PARD3: variants seen among roughly 807,000 people sequenced by gnomAD.
PARD3 encodes the protein partitioning defective 3 homolog.
PARD3 carries 75 observed loss-of-function variants against 155.4 expected under a neutral mutation model. The ratio of observed to expected loss-of-function variants is 0.48; its 90% CI spans 0.40 to 0.58. The LOEUF (loss-of-function observed/expected upper bound fraction) is 0.58, where lower values mean the gene tolerates loss of function less well. PARD3 is among the 20% of genes least tolerant of loss of function. The pLI, the probability that PARD3 is intolerant of heterozygous loss-of-function variation, is 0.00. For missense variants in PARD3, 1,642 were observed against 1,721.7 expected (o/e 0.95, Z 0.82); for synonymous variants, 576 against 610.5 (o/e 0.94, Z 0.83).
At chr10:34,676,976 T>C (rs998702108) in intron 2 of PARD3, among the ~76,000 whole-genome samples, 2 of 152,216 alleles carry the variant, frequency 1.3e-5, no homozygotes, top group Non-Finnish European at 1.5e-5. Flanking sequence ...ACAGGTTTTA[T>C]TCTGTGTCTT....
At chr10:34,668,666 T>G (rs890151419) in intron 2 of PARD3, among the ~76,000 whole-genome samples, 4 of 152,194 alleles carry the variant, frequency 2.6e-5, no homozygotes, top group African/African-American at 9.7e-5. Context: ...TTAATTTTCA[T>G]TGATAAGCAA....
chr10:34,381,409 A>C (rs1841807839), intron 9 of PARD3, among the ~76,000 whole-genome samples: 1 of 152,220 alleles, frequency 6.6e-6, no homozygotes, highest in African/African-American at 2.4e-5. Flanking sequence ...TGCTCAGCTA[A>C]AATGGATCAG....
At chr10:34,450,054 C>T (rs1218805492) in intron 5 of PARD3, among the ~76,000 whole-genome samples, 1 of 152,144 alleles carries the variant, frequency 6.6e-6, no homozygotes, top group African/African-American at 2.4e-5. Context: ...GCCTCTGTAG[C>T]ATTACAAACT....
intron 2 of PARD3, among the ~76,000 whole-genome samples, chr10:34,534,417 G>A (rs938799027): frequency 6.6e-6 from 1 of 152,026 alleles, no homozygotes; most frequent in African/African-American, 2.4e-5. Flanking sequence ...AATTTGAGGG[G>A]GCAGCCCTGG....
chr10:34,743,264 T>C (rs1346228441), intron 1 of PARD3, among the ~76,000 whole-genome samples: 1 of 152,172 alleles, frequency 6.6e-6, no homozygotes. Context: ...AGGTGACTGG[T>C]TTCCTAAGGA....
At position 34,127,512 on chromosome 10, in the gene PARD3, AT is replaced by A. The variant is rs71030098; in HGVS notation, c.3540+3950del. ...AGTTCTACTGGAGAGTTCTGAGGGC[AT>A]TTTTTCTTTTCGATCTTTGTTCTCC... On this transcript the variant is annotated intron_variant, in intron 23 of 24. Transcript: ENST00000374788. Among the ~76,000 whole-genome samples, 1,165 of 152,176 alleles carry A rather than the reference AT, an allele frequency of 7.7e-3. 5 individuals are homozygous for A. Among genetic ancestry groups the A allele is most frequent in the Admixed American group, 0.013 (200 of 15,292 alleles).
At chr10:34,686,618 G>T (rs1175513625) in intron 2 of PARD3, among the ~76,000 whole-genome samples, 1 of 151,962 alleles carries the variant, frequency 6.6e-6, no homozygotes, top group African/African-American at 2.4e-5. Flanking sequence ...GTGGGCACCT[G>T]TAATTTCAGC....
chr10:34,558,820 G>C (rs149460574), intron 2 of PARD3, among the ~76,000 whole-genome samples: 1 of 152,082 alleles, frequency 6.6e-6, no homozygotes, highest in African/African-American at 2.4e-5. Context: ...CGTGGCATAC[G>C]CCTGTAATGC....
At chr10:34,402,541 T>G (rs1462371201) in intron 5 of PARD3, among the ~76,000 whole-genome samples, 1 of 152,174 alleles carries the variant, frequency 6.6e-6, no homozygotes, top group Non-Finnish European at 1.5e-5. Context: ...TGTAAAGGTA[T>G]TAAGGTCTTA....
intron 12 of PARD3, among the ~76,000 whole-genome samples, chr10:34,368,839 T>TAAAAAAAAAAAA (rs71033310): frequency 9.2e-6 from 1 of 108,614 alleles, no homozygotes; most frequent in African/African-American, 3.5e-5. Flanking sequence ...ATGAGCAATG[T>TAAAAAAAAAAAA]AAAAAAAAAA....
intron 22 of PARD3, among the ~76,000 whole-genome samples, chr10:34,216,197 A>G (rs1249220483): frequency 6.6e-6 from 1 of 152,212 alleles, no homozygotes; most frequent in Non-Finnish European, 1.5e-5. Context: ...CAATATTTGT[A>G]TGCAAATATT....
intron 5 of PARD3, 86 bp downstream of exon 5, chr10:34,450,231 C>A: frequency 8.1e-7 from 1 of 1,228,846 alleles, no homozygotes; most frequent in Non-Finnish European, 1.1e-6. Context: ...TTAATCATCA[C>A]CAGTGATTGA....
At chr10:34,437,900 TTTAA>T (rs2076268508) in intron 5 of PARD3, among the ~76,000 whole-genome samples, 1 of 152,212 alleles carries the variant, frequency 6.6e-6, no homozygotes, top group African/African-American at 2.4e-5. Flanking sequence ...ATCTTAAATA[TTTAA>T]TTAAATACTT....
intron 3 of PARD3, among the ~76,000 whole-genome samples, chr10:34,488,362 C>T (rs577538164): frequency 6.6e-6 from 1 of 151,988 alleles, no homozygotes; most frequent in African/African-American, 2.4e-5. Flanking sequence ...CTCTGTCACC[C>T]AGGCTGGAGT....
intron 4 of PARD3, among the ~76,000 whole-genome samples, chr10:34,451,060 A>G (rs1432067992): frequency 2.6e-5 from 4 of 152,200 alleles, no homozygotes; most frequent in Admixed American, 2.0e-4. Flanking sequence ...CAGATACGTA[A>G]TTGTTCACTG....
intron 22 of PARD3, among the ~76,000 whole-genome samples, chr10:34,179,304 T>C (rs1317982949): frequency 1.3e-5 from 2 of 152,124 alleles, no homozygotes; most frequent in Non-Finnish European, 2.9e-5. Context: ...AGCCCTCCAG[T>C]GGAACATTTC....
chr10:34,145,999 G>A (rs941857960), intron 22 of PARD3, among the ~76,000 whole-genome samples: 2 of 152,132 alleles, frequency 1.3e-5, no homozygotes, highest in Admixed American at 6.6e-5. Context: ...CATGTCTTCC[G>A]AAGAGAATCT....
At chr10:34,694,161 A>G (rs1258976426) in intron 2 of PARD3, among the ~76,000 whole-genome samples, 1 of 137,724 alleles carries the variant, frequency 7.3e-6, no homozygotes, top group Non-Finnish European at 1.7e-5. Context: ...GAAGAAAAAA[A>G]AAAAGAAACA....
chr10:34,752,336 C>G (rs1389935900), intron 1 of PARD3, among the ~76,000 whole-genome samples: 1 of 151,924 alleles, frequency 6.6e-6, no homozygotes. Context: ...CTATCTCTGT[C>G]CCATCCCCAG....
Sources: allele counts gnomAD v4.1 joint callset (sites outside exome capture counted in the v4.1 genomes callset), GRCh38; gene constraint gnomAD v4.1.1; transcripts MANE v1.5; gene names NCBI Gene and HGNC (gene_info 2026-07-23, HGNC 2026-07-21).